The following SLC19A1 variants were observed in gnomAD, a reference collection of about 807,000 sequenced individuals.
The protein encoded by SLC19A1 is reduced folate transporter.
In SLC19A1, 37 loss-of-function variants were observed where a neutral mutation model predicts 35.3. The ratio of observed to expected loss-of-function variants is 1.05; its 90% CI spans 0.81 to 1.38. The LOEUF (loss-of-function observed/expected upper bound fraction) is 1.38. SLC19A1 is among the 40% of genes most tolerant of loss of function. The pLI, the probability that SLC19A1 is intolerant of heterozygous loss-of-function variation, is 0.00. For synonymous variants in SLC19A1, 460 were observed against 398.5 expected (o/e 1.15, Z -1.84); for missense variants, 831 against 826.9 (o/e 1.00, Z -0.06).
chr21:45,542,031 A>C (rs1602916670), intron 1 of SLC19A1, among the ~76,000 whole-genome samples: 3 of 127,834 alleles, frequency 2.3e-5, no homozygotes, highest in Admixed American at 7.7e-5. Context: ...CACGCCCCGC[A>C]CCCTCCCCAG....
At chr21:45,526,314 C>T (rs1454042484) in intron 4 of SLC19A1, among the ~76,000 whole-genome samples, 2 of 152,230 alleles carry the variant, frequency 1.3e-5, no homozygotes, top group African/African-American at 2.4e-5. Flanking sequence ...AGTCTAAACA[C>T]GAAATGCATT....
Position 45,517,688 on chromosome 21 carries a change from G to T in SLC19A1, c.1294-1548C>A, listed in dbSNP as rs1219868610. 2.0e-5 allele frequency among the ~76,000 whole-genome samples: 3 copies of T among 152,110 alleles called. No individual in the cohort carries two copies. The highest frequency in any genetic ancestry group is 4.4e-5 in the Non-Finnish European group (3 of 68,016). On this transcript the variant is annotated intron_variant, in intron 5 of 5. Coordinates refer to ENST00000311124, the MANE Select transcript of SLC19A1 (RefSeq NM_194255.4). The surrounding 1 kb of genome is among the most constrained non-coding windows in gnomAD (Gnocchi z 4.4). ...CTCCATGCTGGGGGGTGTCAGAGGA[G>T]GTCAAGCGGGAGTCCAGACTTTCAC...
chr21:45,560,726 A>G (rs2078607979), intron 1 of SLC19A1, among the ~76,000 whole-genome samples: 2 of 152,236 alleles, frequency 1.3e-5, no homozygotes, highest in Admixed American at 1.3e-4. Context: ...AGTGGTGACA[A>G]CAGTGGCCAA....
intron 4 of SLC19A1, among the ~76,000 whole-genome samples, chr21:45,527,184 GT>G (rs113157560): frequency 0.037 from 5,554 of 150,468 alleles, 328 homozygotes; most frequent in African/African-American, 0.13. Flanking sequence ...GGCCCTGGAG[GT>G]GAGTAGCAGC....
At chr21:45,524,347 C>T (rs370964533) in intron 5 of SLC19A1, among the ~76,000 whole-genome samples, 1 of 24,802 alleles carries the variant, frequency 4.0e-5, no homozygotes, top group Non-Finnish European at 8.0e-5. Flanking sequence ...CCCCGGGCCT[C>T]GGAGACTCAC....
chr21:45,530,169 G>T lies in SLC19A1; in HGVS notation c.1151+601C>A, dbSNP rs946587416. Among the ~76,000 whole-genome samples the T allele has an allele frequency of 1.1e-4, 16 of 150,780 alleles. No homozygotes were observed. The highest frequency in any genetic ancestry group is 2.1e-4 in the Non-Finnish European group (14 of 67,652). On this transcript the variant is annotated intron_variant, in intron 4 of 5. Transcript: ENST00000311124. The surrounding 1 kb of genome is among the most constrained non-coding windows in gnomAD (Gnocchi z 5.3). ...TGCATTGTGTGTCCGTGTGTGTGTG[G>T]TGCGTCCATGTGTAGTGGGTGTCCA...
intron 3 of SLC19A1, chr21:45,507,461 GGGCCA>G: frequency 2.8e-6 from 1 of 362,644 alleles, no homozygotes; most frequent in Non-Finnish European, 3.8e-6. Flanking sequence ...TGGGCTGGGA[GGGCCA>G]GGTGCTGGGG....
rs545057492 is a variant in SLC19A1, at chr21:45,512,944, G to GC, written c.*2713dup. ...GCTCAGGTCCCTGGGGCTAGGGGGAGCCCCTTCTGCTCAGCTCTGGGCCAT... is the reference window on the plus strand; with the variant it reads ...GCTCAGGTCCCTGGGGCTAGGGGGAGCCCCCTTCTGCTCAGCTCTGGGCCAT... On this transcript the variant is annotated 3_prime_UTR_variant, in exon 6 of 6. Transcript: ENST00000311124. The GC allele has an allele frequency of 9.6e-4, 179 of 185,774 alleles. 1 individual carries two copies. Among genetic ancestry groups the GC allele is most frequent in the African/African-American group, 4.0e-3 (170 of 42,256 alleles). The allele number at this position is 185,774 out of a possible 1,614,324, so 11.5% of individuals were successfully genotyped here.
chr21:45,521,400 T>C (rs1325524864), intron 5 of SLC19A1, among the ~76,000 whole-genome samples: 3 of 152,232 alleles, frequency 2.0e-5, no homozygotes, highest in Non-Finnish European at 4.4e-5. Context: ...ATATACCATG[T>C]TCATGGATTG....
At position 45,531,990 on chromosome 21, in the gene SLC19A1, C is replaced by G. The variant is rs150317595; in HGVS notation, c.348G>C (p.Val116=). Residue 116 remains valine (V), a synonymous_variant, in exon 3 of 6, where the codon GTG becomes GTC. Coordinates refer to ENST00000311124, the MANE Select transcript of SLC19A1 (RefSeq NM_194255.4). ...AGAGCTCCATGAGCTGCATGTGCGC[C>G]ACCGAGTGGCCCAGCAGCAGCAGCA... ...VWLLLLLGHS[V]AHMQLMELFY... 1,041 of 1,610,298 alleles carry G rather than the reference C, an allele frequency of 6.5e-4. 16 individuals carry two copies. The African/African-American group carries it at 0.012, about 19-fold the overall frequency.
intron 1 of SLC19A1, among the ~76,000 whole-genome samples, chr21:45,552,026 C>T (rs953939949): frequency 9.9e-5 from 15 of 152,122 alleles, no homozygotes; most frequent in Admixed American, 3.3e-4. Flanking sequence ...GTTTCAGGTG[C>T]GTTCCTCAGA....
In SLC19A1 at chr21:45,504,044, C is replaced by T. The variant is rs752396390; in HGVS notation, c.498-5432G>A. 17 of 1,613,572 alleles carry T rather than the reference C, an allele frequency of 1.1e-5. No individual in the cohort carries two copies. Among genetic ancestry groups the T allele is most frequent in the Non-Finnish European group, 1.4e-5 (16 of 1,179,992 alleles). On this transcript the variant is annotated intron_variant, in intron 3 of 4. Transcript: ENST00000417954. ...CCGTTTGACTTTCTTCAGTTGGAGG[C>T]TGAAATGAAGGTGGGTGACCTCCCT...
At chr21:45,505,492 C>T in intron 3 of SLC19A1, 1 of 887,148 alleles carries the variant, frequency 1.1e-6, no homozygotes, top group Non-Finnish European at 1.8e-6. Context: ...TTCTGCAGCC[C>T]CTGCCCCTCA....
At chr21:45,532,219 G>C (rs114821394) in intron 2 of SLC19A1, 71 bp from the exon 3 acceptor site, 14 of 1,327,912 alleles carry the variant, frequency 1.1e-5, no homozygotes, top group African/African-American at 1.5e-5. Context: ...CAGCCCGCCC[G>C]AGGTGATGGC....
Position 45,531,886 on chromosome 21 carries a change from C to T in SLC19A1, c.452G>A (p.Arg151His), listed in dbSNP as rs754075330. The change falls in exon 3 of 6, where the codon CGT (arginine) becomes CAT (histidine). Residue 151 changes from arginine to histidine, a missense_variant. Arg to His is a conservative substitution (Grantham distance 29, BLOSUM62 0). Transcript: ENST00000311124. The part of the protein sequence containing the change: ...FSLVRPARYQ[R>H]VAGYSRAAVL... ...CGCAGCGCGCGAGTAGCCGGCCACA[C>T]GCTGGTAGCGCGCGGGCCGCACGAG... 4 of 1,586,814 alleles carry T rather than the reference C, an allele frequency of 2.5e-6. No individual in the cohort carries two copies. The highest frequency in any genetic ancestry group is 2.3e-5 in the East Asian group (1 of 42,964).
At position 45,515,028 on chromosome 21, in the gene SLC19A1, A is replaced by G. The variant is rs1392613833; in HGVS notation, c.*630T>C. On this transcript the variant is annotated 3_prime_UTR_variant, in exon 6 of 6. Coordinates refer to ENST00000311124, the MANE Select transcript of SLC19A1 (RefSeq NM_194255.4). ...GACAGGACCATGGAGGGCTGCCCTT[A>G]GGGTGGGAGAGAGGAACCAGCTCCG... 2.6e-6 allele frequency: 4 copies of G among 1,539,192 alleles called. No homozygotes were observed. The highest frequency in any genetic ancestry group is 3.5e-6 in the Non-Finnish European group (4 of 1,143,630).
chr21:45,553,565 C>T (rs543545747), intron 1 of SLC19A1, among the ~76,000 whole-genome samples: 1 of 151,390 alleles, frequency 6.6e-6, no homozygotes, highest in South Asian at 2.1e-4. Flanking sequence ...CCCATCATCT[C>T]CAGAACTCTT....
At chr21:45,562,504 A>C (rs376050505) in intron 1 of SLC19A1, among the ~76,000 whole-genome samples, 4 of 152,366 alleles carry the variant, frequency 2.6e-5, no homozygotes, top group African/African-American at 9.6e-5. Flanking sequence ...ATGTTTTCAG[A>C]GCCTGGTCTC....
At chr21:45,538,088 G>GGCC in intron 1 of SLC19A1, 80 bp from the exon 2 acceptor site, 1 of 768,094 alleles carries the variant, frequency 1.3e-6, no homozygotes, top group Non-Finnish European at 1.9e-6. Context: ...GCCCAGTGCC[G>GGCC]GCCTCCTCGC....
Sources: gnomAD v4.1 joint callset for allele counts (sites outside exome capture counted in the v4.1 genomes callset) on GRCh38, gnomAD v4.1.1 for gene constraint, Gnocchi (gnomAD v3.1) non-coding constraint, MANE v1.5 for transcripts, NCBI Gene and HGNC (gene_info 2026-07-23, HGNC 2026-07-21) for gene names.